TECPR1: variants seen among roughly 807,000 people sequenced by gnomAD.
TECPR1 encodes tectonin beta-propeller repeat-containing protein 1.
A neutral mutation model predicts 162.4 loss-of-function variants in TECPR1; 122 were observed. That is an observed-to-expected ratio of 0.75 (90% CI 0.65 to 0.87). TECPR1 has a LOEUF of 0.87. TECPR1 is among the 40% of genes least tolerant of loss of function. The probability of loss-of-function intolerance (pLI) is 0.00; values close to 1 mark genes in which losing one functional copy is unlikely to be tolerated. For missense variants in TECPR1, 1,432 were observed against 1,618.2 expected (o/e 0.88, Z 1.97); for synonymous variants, 642 against 670.6 (o/e 0.96, Z 0.66).
intron 6 of TECPR1, 149 bp downstream of exon 6, chr7:98,243,318 G>A (rs1798816636): frequency 1.8e-6 from 2 of 1,113,358 alleles, no homozygotes; most frequent in East Asian, 2.6e-5. Context: ...TCAGCACGCT[G>A]GGGGCTCGGA....
chr7:98,225,779 G>C (rs1471865964), intron 17 of TECPR1, among the ~76,000 whole-genome samples: 1 of 152,102 alleles, frequency 6.6e-6, no homozygotes, highest in Non-Finnish European at 1.5e-5. Flanking sequence ...TCAGCCTCCT[G>C]AGTAGCTGGG....
At chr7:98,221,542 GTC>G in intron 23 of TECPR1, 117 bp downstream of exon 23, 1 of 807,500 alleles carries the variant, frequency 1.2e-6, no homozygotes, top group Non-Finnish European at 2.1e-6. Context: ...GGCCAGGCTG[GTC>G]TCGAACTCCT....
At chr7:98,223,816 T>C in intron 19 of TECPR1, 98 bp from the exon 20 acceptor site, 1 of 1,347,450 alleles carries the variant, frequency 7.4e-7, no homozygotes, top group Admixed American at 1.8e-5. Context: ...TTACAGGGCA[T>C]GGGGACTGGG....
chr7:98,228,003 G>A lies in TECPR1; in HGVS notation c.2513+11C>T, dbSNP rs1798322582. ...CAGGCAGCATCCTGGCCGGGCACCT[G>A]TGCCACTTACCTGCTGGTGTAGCCT... On this transcript the variant is annotated intron_variant, in intron 17 of 25. Transcript: ENST00000447648. 3.1e-6 allele frequency: 5 copies of A among 1,608,536 alleles called. No individual in the cohort carries two copies. The African/African-American group carries it at 5.3e-5, about 17-fold the overall frequency.
chr7:98,217,017 C>T lies in TECPR1; in HGVS notation c.*373G>A, dbSNP rs1488569561. The T allele has an allele frequency of 3.3e-5, 7 of 209,290 alleles. No homozygotes were observed. The highest frequency in any genetic ancestry group is 1.2e-4 in the African/African-American group (5 of 43,112). 13.0% of individuals were successfully genotyped at this position (209,290 alleles called of 1,614,324 possible). A position where few individuals can be genotyped will look rare whatever the true frequency, so the allele number is the denominator to read the frequency against. ...TGTCTGAGATGCCAGCTCAGGAGGG[C>T]TCCATCCTGGCTCTGCTGCCCCAGG... On this transcript the variant is annotated 3_prime_UTR_variant, in exon 26 of 26. Transcript: ENST00000447648.
chr7:98,231,795 C>G lies in TECPR1; in HGVS notation c.1974+9G>C, dbSNP rs371644648. On this transcript the variant is annotated intron_variant, in intron 13 of 25. Transcript: ENST00000447648. Reference sequence around the variant, plus strand: ...CCCTGGCCCCATCTCCTGTGGGACCCGTGGGCACCTTCTTCTCCTCGTGGA... The same window carrying G: ...CCCTGGCCCCATCTCCTGTGGGACCGGTGGGCACCTTCTTCTCCTCGTGGA... 1.2e-6 allele frequency: 2 copies of G among 1,609,662 alleles called. No homozygotes were observed. The highest frequency in any genetic ancestry group is 3.3e-5 in the Admixed American group (2 of 59,906).
At chr7:98,237,914 A>T (rs1386168520) in intron 9 of TECPR1, among the ~76,000 whole-genome samples, 1 of 151,948 alleles carries the variant, frequency 6.6e-6, no homozygotes, top group Non-Finnish European at 1.5e-5. Context: ...ATGGGACTAC[A>T]GGTGCACACC....
chr7:98,243,443 G>T, intron 6 of TECPR1, 24 bp downstream of exon 6: 3 of 1,611,012 alleles, frequency 1.9e-6, no homozygotes, highest in African/African-American at 2.7e-5. Context: ...GGGGAGCCAG[G>T]GCAGGGAGAG....
intron 15 of TECPR1, 70 bp downstream of exon 15, chr7:98,230,890 TC>T: frequency 1.3e-6 from 2 of 1,542,296 alleles, no homozygotes; most frequent in Non-Finnish European, 1.7e-6. Context: ...GTCCTCTGGA[TC>T]CCCCTTCTGT....
intron 22 of TECPR1, 23 bp from the exon 23 acceptor site, chr7:98,221,776 G>C (rs1798148807): frequency 6.2e-7 from 1 of 1,602,324 alleles, no homozygotes; most frequent in South Asian, 1.1e-5. Flanking sequence ...GGCTGACTCA[G>C]GCACGCTGCC....
At chr7:98,217,873 T>C (rs929332633) in intron 24 of TECPR1, 62 bp from the exon 25 acceptor site, 26 of 1,544,174 alleles carry the variant, frequency 1.7e-5, no homozygotes, top group Non-Finnish European at 8.8e-6. Context: ...GGGCATGGGA[T>C]GGGGGAGACC....
chr7:98,228,335 C>G (rs1468857943), intron 16 of TECPR1, among the ~76,000 whole-genome samples: 1 of 152,120 alleles, frequency 6.6e-6, no homozygotes, highest in Non-Finnish European at 1.5e-5. Flanking sequence ...TGTGCAACCT[C>G]GATGAGCACA....
intron 16 of TECPR1, 99 bp downstream of exon 16, chr7:98,228,940 C>T: frequency 1.4e-6 from 2 of 1,465,430 alleles, no homozygotes; most frequent in East Asian, 2.4e-5. Context: ...CGAGTGTGAA[C>T]ACTGGGACAA....
intron 9 of TECPR1, among the ~76,000 whole-genome samples, chr7:98,238,113 T>TC (rs1422932976): frequency 6.6e-6 from 1 of 152,110 alleles, no homozygotes; most frequent in East Asian, 1.9e-4. Context: ...CTTCCCTGAT[T>TC]CTGACCTCAC....
In TECPR1 at chr7:98,240,889, C is replaced by A; in HGVS notation, c.895G>T (p.Gly299Ter). 6.2e-7 allele frequency: 1 copy of A among 1,607,852 alleles called. No individual in the cohort carries two copies. The highest frequency in any genetic ancestry group is 8.5e-7 in the Non-Finnish European group (1 of 1,178,658). ...SENGVMHISV[G>*]VSVVWAVTKD... ...GTGACAGCCCAGACCACGCTGACTCCCACCGAGATGTGCATGACCCCGTTT... is the reference window on the plus strand; with the variant it reads ...GTGACAGCCCAGACCACGCTGACTCACACCGAGATGTGCATGACCCCGTTT... Residue 299 changes from glycine to a stop codon, truncating the protein, a stop_gained, in exon 8 of 26, where the codon GGA becomes TGA. Coordinates refer to ENST00000447648, the MANE Select transcript of TECPR1 (RefSeq NM_015395.3). LOFTEE classifies it high-confidence loss of function.
In TECPR1 at chr7:98,228,002, T is replaced by A. The variant is rs775865334; in HGVS notation, c.2513+12A>T. On this transcript the variant is annotated intron_variant, in intron 17 of 25. Transcript: ENST00000447648. ...CCAGGCAGCATCCTGGCCGGGCACC[T>A]GTGCCACTTACCTGCTGGTGTAGCC... 6.2e-7 allele frequency: 1 copy of A among 1,607,616 alleles called. No individual in the cohort carries two copies. The highest frequency in any genetic ancestry group is 8.5e-7 in the Non-Finnish European group (1 of 1,176,712).
rs370631525 is a variant in TECPR1 at position 98,232,938 on chromosome 7, G to A, written c.1707C>T (p.Ser569=). ...AGGCAGCGGTCTGGGCCGGCGTGAT[G>A]GACAGGGACAGCATGTGTACCGAGG... ...LSSSVHMLSL[S]ITPAQTAAWR... is the part of the protein sequence containing the mutation. Residue 569 remains serine (S), a synonymous_variant, in exon 12 of 26, where the codon TCC becomes TCT. Coordinates refer to ENST00000447648, the MANE Select transcript of TECPR1 (RefSeq NM_015395.3). The surrounding 1 kb of genome is among the most constrained non-coding windows in gnomAD (Gnocchi z 4.6). The A allele has an allele frequency of 1.6e-4, 260 of 1,612,398 alleles. No homozygotes were observed. The highest frequency in any genetic ancestry group is 2.0e-4 in the Non-Finnish European group (239 of 1,179,780).
At chr7:98,240,221 G>A (rs1798710143) in intron 8 of TECPR1, among the ~76,000 whole-genome samples, 1 of 152,140 alleles carries the variant, frequency 6.6e-6, no homozygotes, top group Non-Finnish European at 1.5e-5. Context: ...ATGGGGAGGC[G>A]CTTGGTTAAT....
At chr7:98,223,566 A>T in intron 20 of TECPR1, 96 bp downstream of exon 20, 1 of 1,349,200 alleles carries the variant, frequency 7.4e-7, no homozygotes, top group South Asian at 1.2e-5. Context: ...GTCAGAGGCC[A>T]GGAGATCTGG....
Sources: allele counts gnomAD v4.1 joint callset (sites outside exome capture counted in the v4.1 genomes callset), GRCh38; gene constraint gnomAD v4.1.1; non-coding constraint Gnocchi (gnomAD v3.1); transcripts MANE v1.5; gene names NCBI Gene and HGNC (gene_info 2026-07-23, HGNC 2026-07-21).